REV3L: variants seen among roughly 807,000 people sequenced by gnomAD.
The protein encoded by REV3L is DNA polymerase zeta catalytic subunit.
In REV3L, 69 loss-of-function variants were observed where a neutral mutation model predicts 299.4. The observed-to-expected ratio is 0.23, with a 90% CI of 0.19 to 0.28. The LOEUF (loss-of-function observed/expected upper bound fraction) is 0.28, where lower values mean the gene tolerates loss of function less well. REV3L is among the 10% of genes least tolerant of loss of function. The pLI is 1.00. For missense variants in REV3L, 3,128 were observed against 3,693.8 expected (o/e 0.85, Z 3.97); for synonymous variants, 1,238 against 1,271.4 (o/e 0.97, Z 0.56).
At position 111,444,344 on chromosome 6, in the gene REV3L, AAGG is replaced by A. The variant is rs1220317194; in HGVS notation, c.140-27875_140-27873del. On this transcript the variant is annotated intron_variant, in intron 1 of 31. Transcript: ENST00000368802. Reference sequence around the variant, plus strand: ...AAATATTTTTAAAGTCTCTGTCTAGAAGGAGATTTTTAAAAACAAGCATAAAAG... The same window carrying A: ...AAATATTTTTAAAGTCTCTGTCTAGAAGATTTTTAAAAACAAGCATAAAAG... Among the ~76,000 whole-genome samples the A allele has an allele frequency of 5.3e-5, 8 of 152,334 alleles. No individual in the cohort carries two copies. In the South Asian group the frequency reaches 1.4e-3, roughly 28 times the overall value.
At chr6:111,455,921 A>G (rs1790106820) in intron 1 of REV3L, among the ~76,000 whole-genome samples, 2 of 151,758 alleles carry the variant, frequency 1.3e-5, no homozygotes, top group African/African-American at 4.8e-5. Flanking sequence ...TGCACATGCA[A>G]TGGTGGTTCC....
intron 21 of REV3L, among the ~76,000 whole-genome samples, chr6:111,338,312 C>CTTTTTTTTTTTTTT (rs144497761): frequency 6.3e-5 from 3 of 47,936 alleles, no homozygotes; most frequent in East Asian, 1.2e-3. Flanking sequence ...GTCTAAAGTC[C>CTTTTTTTTTTTTTT]TTTTTTTTTT....
chr6:111,397,620 G>A (rs2128263623), intron 4 of REV3L, among the ~76,000 whole-genome samples: 1 of 152,240 alleles, frequency 6.6e-6, no homozygotes, highest in Middle Eastern at 3.4e-3. Flanking sequence ...TGTCTGTTAG[G>A]TCCATTTGGT....
chr6:111,474,984 TATATACACAC>T (rs1029685729), intron 1 of REV3L, among the ~76,000 whole-genome samples: 10 of 13,460 alleles, frequency 7.4e-4, no homozygotes, highest in Non-Finnish European at 1.7e-4. Flanking sequence ...TAGCTGCCTA[TATATACACAC>T]ACACACACAC....
At position 111,373,594 on chromosome 6, in the gene REV3L, T is replaced by C. The variant is rs759746912; in HGVS notation, c.4761A>G (p.Arg1587=). 6.2e-7 allele frequency: 1 copy of C among 1,614,154 alleles called. No homozygotes were observed. The highest frequency in any genetic ancestry group is 1.7e-5 in the Admixed American group (1 of 60,018). ...VTSPRKPRTP[R]STKQKEKIPK... ...GGATTTTTTCTTTTTGTTTTGTACT[T>C]CTGGGAGTTCGAGGTTTTCTTGGGG... Residue 1587 remains arginine, a synonymous_variant, in exon 13 of 32, where the codon AGA becomes AGG. Coordinates refer to ENST00000368802, the MANE Select transcript of REV3L (RefSeq NM_001372078.1).
At chr6:111,430,495 G>A (rs1403806211) in intron 1 of REV3L, 22 of 1,545,698 alleles carry the variant, frequency 1.4e-5, no homozygotes, top group African/African-American at 1.2e-4. Context: ...GCAAAGAAGC[G>A]GTTGCACTCG....
At chr6:111,422,639 T>C (rs1238256690) in intron 1 of REV3L, among the ~76,000 whole-genome samples, 2 of 29,578 alleles carry the variant, frequency 6.8e-5, no homozygotes, top group Non-Finnish European at 2.6e-4. Flanking sequence ...TACACATATA[T>C]ATATATATAC....
chr6:111,349,309 G>C lies in REV3L; in HGVS notation c.7328C>G (p.Ala2443Gly), dbSNP rs1456025414. ...ATATGATCCATACTCATCTCTTTCA[G>C]CTGCAAATCTGTTCTCAATTTTGTC... ...PDDKIENRFA[A>G]ERDEYGSYTM... is the part of the protein sequence containing the mutation. Residue 2443 changes from alanine (A) to glycine (G), a missense_variant, in exon 20 of 32, where the codon GCT (alanine) becomes GGT (glycine). Physicochemically the swap from Ala to Gly is moderately conservative, Grantham distance 60 (BLOSUM62 0). Around this residue, in one of 9 missense-constraint regions of REV3L, gnomAD observed 50 missense variants for 48.2 expected, o/e 1.04. Transcript: ENST00000368802. The C allele has an allele frequency of 6.3e-7, 1 of 1,596,906 alleles. No homozygotes were observed. Among genetic ancestry groups the C allele is most frequent in the Non-Finnish European group, 8.6e-7 (1 of 1,169,090 alleles).
intron 16 of REV3L, among the ~76,000 whole-genome samples, chr6:111,359,413 C>A (rs1271556719): frequency 1.4e-5 from 2 of 147,358 alleles, no homozygotes; most frequent in African/African-American, 5.0e-5. Context: ...AAAAAGAGAG[C>A]TTTTTTAAAA....
chr6:111,328,418 C>T (rs1775057380), intron 25 of REV3L, among the ~76,000 whole-genome samples: 1 of 152,096 alleles, frequency 6.6e-6, no homozygotes, highest in Admixed American at 6.6e-5. Context: ...GACATTTGGA[C>T]AAGCCAACAT....
At chr6:111,449,464 G>T (rs143977692) in intron 1 of REV3L, among the ~76,000 whole-genome samples, 1 of 152,272 alleles carries the variant, frequency 6.6e-6, no homozygotes, top group South Asian at 2.1e-4. Flanking sequence ...GTATCAGCAC[G>T]TGCTTTGTGA....
At chr6:111,475,910 A>T (rs942558827) in intron 1 of REV3L, among the ~76,000 whole-genome samples, 11 of 152,170 alleles carry the variant, frequency 7.2e-5, no homozygotes, top group African/African-American at 2.4e-4. Context: ...GGAAGCCAAC[A>T]TTATTTTTCC....
At chr6:111,302,028 T>G (rs1055939536) in intron 31 of REV3L, among the ~76,000 whole-genome samples, 1 of 152,254 alleles carries the variant, frequency 6.6e-6, no homozygotes, top group Non-Finnish European at 1.5e-5. Context: ...GATCTATATT[T>G]ATCAAAGGGT....
intron 1 of REV3L, among the ~76,000 whole-genome samples, chr6:111,478,923 A>T (rs577570427): frequency 3.7e-4 from 56 of 152,170 alleles, no homozygotes; most frequent in Non-Finnish European, 6.9e-4. Flanking sequence ...TGCTTTGTGG[A>T]CATCCCACAC....
At chr6:111,475,515 C>A (rs1036944331) in intron 1 of REV3L, among the ~76,000 whole-genome samples, 2 of 152,100 alleles carry the variant, frequency 1.3e-5, no homozygotes, top group African/African-American at 4.8e-5. Context: ...TCACCTTTCC[C>A]GAGTTATACT....
chr6:111,400,583 T>G (rs1460379676), intron 4 of REV3L, among the ~76,000 whole-genome samples: 1 of 152,234 alleles, frequency 6.6e-6, no homozygotes, highest in Non-Finnish European at 1.5e-5. Flanking sequence ...ATTGTTGATT[T>G]TTAAGAATTC....
chr6:111,452,051 G>A (rs1035601752), intron 1 of REV3L, among the ~76,000 whole-genome samples: 3 of 151,774 alleles, frequency 2.0e-5, no homozygotes, highest in East Asian at 3.9e-4. Context: ...TTGTAAAAAA[G>A]ATTTGGATAC....
chr6:111,465,757 A>AAACAAACAAAAAAAAAAAAC (rs1791405345), intron 1 of REV3L, among the ~76,000 whole-genome samples: 4 of 121,288 alleles, frequency 3.3e-5, no homozygotes, highest in Non-Finnish European at 6.2e-5. Flanking sequence ...AAAAAAAAAA[A>AAACAAACAAAAAAAAAAAAC]AAAAAAAAAC....
chr6:111,363,996 C>T lies in REV3L; in HGVS notation c.6754-18G>A, dbSNP rs745782477. ...AATTGATTCTATAAAAAAAAACACA[C>T]ACACACACAGCCAGAAAAAGATACA... is the stretch of plus-strand genomic sequence containing the variant. On this transcript the variant is annotated intron_variant, in intron 15 of 31. Transcript: ENST00000368802. 9 of 1,595,260 alleles carry T rather than the reference C, an allele frequency of 5.6e-6. No homozygotes were observed. The highest frequency in any genetic ancestry group is 8.5e-7 in the Non-Finnish European group (1 of 1,173,742).
Sources: gnomAD v4.1 joint callset for allele counts (sites outside exome capture counted in the v4.1 genomes callset) on GRCh38, gnomAD v4.1.1 for gene constraint, gnomAD v4.1.1 regional missense constraint, MANE v1.5 for transcripts, NCBI Gene and HGNC (gene_info 2026-07-23, HGNC 2026-07-21) for gene names.